The following MSL3 variants were observed in gnomAD, a reference collection of about 807,000 sequenced individuals.
MSL3 encodes the protein MSL3-like 1.
MSL3 carries 5 observed loss-of-function variants against 37.2 expected under a neutral mutation model. That is an observed-to-expected ratio of 0.13 (90% confidence interval 0.07 to 0.28). MSL3 has a LOEUF of 0.28. Ranked by LOEUF, MSL3 falls within the 10% of genes least tolerant of loss-of-function variation. The pLI is 1.00. For missense variants in MSL3, 315 were observed against 408.5 expected, an observed-to-expected ratio of 0.77 and a Z score of 1.97; for synonymous variants, 149 against 147.6, an observed-to-expected ratio of 1.01 and a Z score of -0.07.
chrX:11,768,026 A>C, intron 9 of MSL3: 1 of 656,387 alleles, frequency 1.5e-6, no homozygotes, highest in Non-Finnish European at 1.8e-6. Flanking sequence ...TGTGAAATTC[A>C]CATATAAAAT....
intron 12 of MSL3, among the ~76,000 whole-genome samples, chrX:11,773,983 G>A (rs2053253309): frequency 8.9e-6 from 1 of 112,291 alleles, no homozygotes; most frequent in Admixed American, 9.4e-5. Context: ...TGGGAAGCAA[G>A]CATAAGGCAA....
chrX:11,768,331 T>C (rs2053203436), intron 9 of MSL3: 1 of 273,043 alleles, frequency 3.7e-6, no homozygotes, highest in Non-Finnish European at 6.4e-6. Context: ...CCCTTTGTGA[T>C]TGGCTCCATT....
chrX:11,762,397 C>T, intron 6 of MSL3, 145 bp downstream of exon 6: 1 of 511,462 alleles, frequency 2.0e-6, no homozygotes, highest in Non-Finnish European at 3.1e-6. Context: ...TTTTAAAGTT[C>T]TCTGCCAGTG....
At chrX:11,760,580 T>C in intron 3 of MSL3, 82 bp downstream of exon 3, 1 of 641,548 alleles carries the variant, frequency 1.6e-6, no homozygotes, top group Admixed American at 3.8e-5. Flanking sequence ...ATAAAAGTAA[T>C]ACAATGACAA....
At chrX:11,772,763 ACTTCT>A (rs1442146960) in intron 12 of MSL3, 58 bp downstream of exon 12, 1 of 685,296 alleles carries the variant, frequency 1.5e-6, no homozygotes, top group East Asian at 3.4e-5. Context: ...GCTTTTCTGA[ACTTCT>A]CTTTAGCACA....
chrX:11,772,031 T>G, intron 10 of MSL3, 125 bp from the exon 11 acceptor site: 1 of 490,922 alleles, frequency 2.0e-6, no homozygotes, highest in Non-Finnish European at 3.5e-6. Context: ...TTTGTAAGCT[T>G]GTGTTTATTT....
intron 10 of MSL3, among the ~76,000 whole-genome samples, chrX:11,769,616 GACACAGGGTCTC>G (rs768207986): frequency 3.6e-5 from 4 of 110,693 alleles, no homozygotes; most frequent in South Asian, 3.8e-4. Flanking sequence ...TTCTTTTTTT[GACACAGGGTCTC>G]ACTCTCATGC....
intron 10 of MSL3, among the ~76,000 whole-genome samples, chrX:11,770,181 A>G (rs903872757): frequency 2.7e-5 from 3 of 111,959 alleles, no homozygotes; most frequent in Admixed American, 9.4e-5. Context: ...TTTTTCCCCA[A>G]CCATTTTGAA....
chrX:11,760,351 CGTT>C lies in MSL3; in HGVS notation c.186-48_186-46del, dbSNP rs777338758. On this transcript the variant is annotated intron_variant, in intron 2 of 12. Transcript: ENST00000312196. ...TCTATTGCTTTGAGGTACTTTTAGTCGTTGTTTCATATCAAACTAAAGTACTGA... is the reference window on the plus strand; with the variant it reads ...TCTATTGCTTTGAGGTACTTTTAGTCGTTTCATATCAAACTAAAGTACTGA... The C allele has an allele frequency of 8.4e-5, 74 of 877,040 alleles. 1 individual carries two copies. Among genetic ancestry groups the C allele is most frequent in the Middle Eastern group, 7.8e-4 (2 of 2,552 alleles). 72.3% of individuals were successfully genotyped at this position (877,040 alleles called of 1,213,427 possible).
Position 11,763,874 on chromosome X carries a change from T to C in MSL3, c.844T>C (p.Tyr282His), listed in dbSNP as rs2147245758. 5.0e-6 allele frequency: 6 copies of C among 1,207,980 alleles called. No individual in the cohort carries two copies. The highest frequency in any genetic ancestry group is 5.6e-6 in the Non-Finnish European group (5 of 892,960). Residue 282 changes from tyrosine to histidine, a missense_variant, in exon 8 of 13, where the codon TAT becomes CAT. Tyr to His is a moderately conservative substitution (Grantham distance 83). Transcript: ENST00000312196. ...VLLYPYEQAQ[Y>H]KKVTSSKFFL... ...ACTCTATCCATATGAACAAGCTCAG[T>C]ATAAAAAGGTGACTTCGTCTAAATT... is the stretch of plus-strand genomic sequence containing the variant.
At chrX:11,769,691 C>T (rs773908877) in intron 10 of MSL3, among the ~76,000 whole-genome samples, 1 of 112,303 alleles carries the variant, frequency 8.9e-6, no homozygotes, top group South Asian at 3.7e-4. Context: ...GCAGCCTCTG[C>T]CTCCTGGGCT....
chrX:11,758,436 G>C, intron 1 of MSL3, 71 bp downstream of exon 1: 2 of 942,492 alleles, frequency 2.1e-6, no homozygotes, highest in Non-Finnish European at 2.7e-6. Context: ...GGCGGGGGCG[G>C]ACGGCCGCGC....
intron 9 of MSL3, chrX:11,766,960 G>A: frequency 2.7e-6 from 2 of 754,680 alleles, no homozygotes; most frequent in South Asian, 1.3e-4. Context: ...TCTTCCCTCA[G>A]CCTCGCCTGC....
chrX:11,761,806 TTATC>T (rs2053135174), intron 5 of MSL3, among the ~76,000 whole-genome samples: 1 of 112,540 alleles, frequency 8.9e-6, no homozygotes, highest in African/African-American at 3.2e-5. Flanking sequence ...CAAATTATAG[TTATC>T]TTTCTTTCCA....
chrX:11,766,298 T>A, intron 9 of MSL3: 1 of 754,924 alleles, frequency 1.3e-6, no homozygotes, highest in Non-Finnish European at 1.6e-6. Context: ...TTTCTTTTTT[T>A]CCAAAATACA....
chrX:11,758,356 C>T lies in MSL3; in HGVS notation c.93C>T (p.Tyr31=). 8.9e-7 allele frequency: 1 copy of T among 1,121,444 alleles called. No homozygotes were observed. Among genetic ancestry groups the T allele is most frequent in the Non-Finnish European group, 1.2e-6 (1 of 847,891 alleles). 92.4% of individuals were successfully genotyped at this position (1,121,444 alleles called of 1,213,427 possible). A position where few individuals can be genotyped will look rare whatever the true frequency, so the allele number is the denominator to read the frequency against. ...ACCCCACCAAGGCGCGAGTGCTGTA[C>T]GATGCCAAGGTGCCGCCGCGGAGGG... is the stretch of plus-strand genomic sequence containing the variant. ...EPDPTKARVL[Y]DAKIVDVIVG... The change falls in exon 1 of 13, where the codon TAC becomes TAT. Residue 31 remains tyrosine, a synonymous_variant. Coordinates refer to ENST00000312196, the MANE Select transcript of MSL3 (RefSeq NM_078629.4).
chrX:11,762,352 G>A (rs1045938102), intron 6 of MSL3, 100 bp downstream of exon 6: 6 of 741,341 alleles, frequency 8.1e-6, no homozygotes, highest in South Asian at 3.0e-5. Context: ...TTGGTGGAAC[G>A]AAATTTATAT....
rs1312769164 is a variant in MSL3, at chrX:11,758,465, G to A, written c.102+100G>A. The stretch of plus-strand genomic sequence containing the variant: ...GCCGCGCGGAGCTGAGGGACCGGCC[G>A]GGCTCCTCGGCCTGCGAGGAGCGGT... On this transcript the variant is annotated intron_variant, in intron 1 of 12. Coordinates refer to ENST00000312196, the MANE Select transcript of MSL3 (RefSeq NM_078629.4). 28 of 939,108 alleles carry A rather than the reference G, an allele frequency of 3.0e-5. No individual in the cohort carries two copies. In the African/African-American group the frequency reaches 5.1e-4, roughly 17 times the overall value. 77.4% of individuals were successfully genotyped at this position (939,108 alleles called of 1,213,427 possible). A position where few individuals can be genotyped will look rare whatever the true frequency, so the allele number is the denominator to read the frequency against.
intron 9 of MSL3, chrX:11,766,314 G>T (rs2053182896): frequency 2.4e-5 from 18 of 752,113 alleles, no homozygotes; most frequent in Non-Finnish European, 2.8e-5. Flanking sequence ...ATACACACAG[G>T]TTGATTTGCT....
Sources: gnomAD v4.1 joint callset for allele counts (sites outside exome capture counted in the v4.1 genomes callset) on GRCh38, gnomAD v4.1.1 for gene constraint, MANE v1.5 for transcripts, NCBI Gene and HGNC (gene_info 2026-07-23, HGNC 2026-07-21) for gene names.